Variants in SIRPA observed in about 807,000 individuals in gnomAD.
SIRPA encodes the protein tyrosine-protein phosphatase non-receptor type substrate 1.
Under a neutral mutation model 50.3 loss-of-function variants are expected in SIRPA, and 9 were observed. The observed-to-expected ratio is 0.18, with a 90% CI of 0.11 to 0.31. SIRPA has a LOEUF of 0.31. Ranked by LOEUF, SIRPA falls within the 10% of genes least tolerant of loss-of-function variation. The pLI, the probability that SIRPA is intolerant of heterozygous loss-of-function variation, is 1.00. For missense variants in SIRPA, 474 were observed against 661.6 expected, an observed-to-expected ratio of 0.72 and a Z score of 3.11; for synonymous variants, 265 against 284.1, an observed-to-expected ratio of 0.93 and a Z score of 0.68.
At chr20:1,895,000 G>T (rs1009598846), upstream of SIRPA, among the ~76,000 whole-genome samples, 77 of 147,698 alleles carry the variant, frequency 5.2e-4, no homozygotes, top group African/African-American at 1.8e-3. The surrounding 1 kb of genome is among the most constrained non-coding windows in gnomAD (Gnocchi z 4.0). Flanking sequence ...CGCGCGGCCG[G>T]GCTCGGCCGT....
Position 1,915,029 on chromosome 20 carries a change from G to A in SIRPA, c.80-70G>A. 4.1e-6 allele frequency: 5 copies of A among 1,229,422 alleles called. 1 individual carries two copies. The highest frequency in any genetic ancestry group is 5.8e-6 in the Non-Finnish European group (5 of 861,622). The allele number at this position is 1,229,422 out of a possible 1,614,324, so 76.2% of individuals were successfully genotyped here. On this transcript the variant is annotated intron_variant, in intron 1 of 7. Transcript: ENST00000358771. Reference sequence around the variant, plus strand: ...GTGCATCCAGTCAATGAACGTCATTGATAAACACTTGAGGAAACACAGAGG... The same window carrying A: ...GTGCATCCAGTCAATGAACGTCATTAATAAACACTTGAGGAAACACAGAGG...
At chr20:1,935,205 A>C (rs1055934998) in intron 7 of SIRPA, among the ~76,000 whole-genome samples, 1 of 152,228 alleles carries the variant, frequency 6.6e-6, no homozygotes, top group Non-Finnish European at 1.5e-5. Context: ...TTGCTGATGG[A>C]AAGACCCCAT....
chr20:1,914,233 CCT>C lies in SIRPA; in HGVS notation c.80-865_80-864del, dbSNP rs1271097701. ...GAGGCCTGGGGGCTGTTCTACCCAT[CCT>C]GTAGATAAGAAAACTGAGACTCAAA... On this transcript the variant is annotated intron_variant, in intron 1 of 7. Coordinates refer to ENST00000358771, the MANE Select transcript of SIRPA (RefSeq NM_001040023.2). Among the ~76,000 whole-genome samples the C allele has an allele frequency of 3.9e-5, 6 of 152,288 alleles. No homozygotes were observed. The East Asian group carries it at 9.6e-4, about 24-fold the overall frequency.
intron 1 of SIRPA, among the ~76,000 whole-genome samples, chr20:1,913,066 G>T (rs1984998683): frequency 6.6e-6 from 1 of 152,206 alleles, no homozygotes; most frequent in Non-Finnish European, 1.5e-5. Flanking sequence ...GTGCCATGAA[G>T]ATCTTGCCAT....
Position 1,898,851 on chromosome 20 carries a change from A to G in SIRPA, c.79+3325A>G. On this transcript the variant is annotated intron_variant, in intron 1 of 7. Coordinates refer to ENST00000358771, the MANE Select transcript of SIRPA (RefSeq NM_001040023.2). This position sits in a 1 kb window ranked among gnomAD's most constrained non-coding sequence, Gnocchi z 4.3. Reference sequence around the variant, plus strand: ...CCCCTTGGTCCTCACCAGTAACAACACATGAGAGGTGATGTGGCTCCTGTG... The same window carrying G: ...CCCCTTGGTCCTCACCAGTAACAACGCATGAGAGGTGATGTGGCTCCTGTG... 6.6e-6 allele frequency among the ~76,000 whole-genome samples: 1 copy of G among 152,060 alleles called. No homozygotes were observed. The highest frequency in any genetic ancestry group is 1.5e-5 in the Non-Finnish European group (1 of 68,024).
chr20:1,931,855 C>G (rs1986315610), intron 6 of SIRPA, among the ~76,000 whole-genome samples: 1 of 152,218 alleles, frequency 6.6e-6, no homozygotes, highest in Non-Finnish European at 1.5e-5. Context: ...TAATGGGGCA[C>G]TGATCATTCG....
At chr20:1,901,032 G>A (rs1488333778) in intron 1 of SIRPA, among the ~76,000 whole-genome samples, 1 of 152,140 alleles carries the variant, frequency 6.6e-6, no homozygotes, top group African/African-American at 2.4e-5. Context: ...GTGGTTAACT[G>A]TTGTGCCATT....
chr20:1,909,749 T>C (rs571787793), intron 1 of SIRPA, among the ~76,000 whole-genome samples: 12 of 152,308 alleles, frequency 7.9e-5, no homozygotes, highest in Admixed American at 7.2e-4. Flanking sequence ...GCCATTGCAC[T>C]CCAGCCTGGG....
intron 2 of SIRPA, among the ~76,000 whole-genome samples, chr20:1,920,332 G>T (rs1985573660): frequency 1.3e-5 from 2 of 152,252 alleles, no homozygotes; most frequent in African/African-American, 2.4e-5. Flanking sequence ...TTTGATGGGT[G>T]TGAGGGAGAA....
Position 1,898,156 on chromosome 20 carries a change from C to T in SIRPA, c.79+2630C>T, listed in dbSNP as rs550248029. 2.0e-5 allele frequency among the ~76,000 whole-genome samples: 3 copies of T among 152,328 alleles called. No individual in the cohort carries two copies. The highest frequency in any genetic ancestry group is 4.4e-5 in the Non-Finnish European group (3 of 68,034). On this transcript the variant is annotated intron_variant, in intron 1 of 7. Coordinates refer to ENST00000358771, the MANE Select transcript of SIRPA (RefSeq NM_001040023.2). The surrounding 1 kb of genome is among the most constrained non-coding windows in gnomAD (Gnocchi z 4.3). The stretch of plus-strand genomic sequence containing the variant: ...GTTCAGGCTCTGGGGAGCAGCGGGG[C>T]CCCCCAGTGAACCTCTCACCGTTTG...
In SIRPA at chr20:1,903,945, TACTC is replaced by T. The variant is rs200077418; in HGVS notation, c.79+8423_79+8426del. Among the ~76,000 whole-genome samples the T allele has an allele frequency of 1.9e-4, 29 of 152,308 alleles. No homozygotes were observed. The East Asian group carries it at 5.6e-3, about 29-fold the overall frequency. On this transcript the variant is annotated intron_variant, in intron 1 of 7. Transcript: ENST00000358771. ...TGCACGAGAGATGGGCTATGTCTCT[TACTC>T]ACTGTTGGGCCTCCCAGGACCTCAG...
At position 1,939,985 on chromosome 20, in the gene SIRPA, G is replaced by A. The variant is rs1986789570; in HGVS notation, c.*2417G>A. The stretch of plus-strand genomic sequence containing the variant: ...GCCCTCCTGCCAAAGCCTGGAAGAG[G>A]ATTGAATGGACCCCAGGGTTTGGAA... On this transcript the variant is annotated 3_prime_UTR_variant, in exon 8 of 8. Coordinates refer to ENST00000358771, the MANE Select transcript of SIRPA (RefSeq NM_001040023.2). This position sits in a 1 kb window ranked among gnomAD's most constrained non-coding sequence, Gnocchi z 4.7. 6.6e-6 allele frequency: 1 copy of A among 152,450 alleles called. No individual in the cohort carries two copies. The highest frequency in any genetic ancestry group is 2.4e-5 in the African/African-American group (1 of 41,468). 9.4% of individuals were successfully genotyped at this position (152,450 alleles called of 1,614,324 possible).
chr20:1,930,987 T>G (rs1986271221), intron 6 of SIRPA, among the ~76,000 whole-genome samples: 4 of 152,262 alleles, frequency 2.6e-5, no homozygotes, highest in Admixed American at 2.0e-4. Flanking sequence ...CAATAGCAGC[T>G]ACCATTTATT....
At chr20:1,923,429 C>G (rs919828205) in intron 4 of SIRPA, among the ~76,000 whole-genome samples, 4 of 152,272 alleles carry the variant, frequency 2.6e-5, no homozygotes, top group African/African-American at 9.6e-5. Flanking sequence ...TTCTGTCCTT[C>G]ATGCACCCTT....
intron 1 of SIRPA, among the ~76,000 whole-genome samples, chr20:1,906,682 C>T (rs372369446): frequency 6.6e-6 from 1 of 152,172 alleles, no homozygotes; most frequent in East Asian, 1.9e-4. Flanking sequence ...GAGGGTTTTG[C>T]ACAAAGGAGG....
chr20:1,920,403 T>C (rs1446404463), intron 2 of SIRPA, among the ~76,000 whole-genome samples: 1 of 152,156 alleles, frequency 6.6e-6, no homozygotes, highest in South Asian at 2.1e-4. Context: ...CGATAGGAGG[T>C]ATGGGGTAAT....
chr20:1,905,987 C>T (rs1040561406), intron 1 of SIRPA, among the ~76,000 whole-genome samples: 2 of 152,206 alleles, frequency 1.3e-5, no homozygotes, highest in Non-Finnish European at 2.9e-5. Flanking sequence ...CGGAGAGGAT[C>T]CCGAGCCTCT....
At chr20:1,921,934 C>T (rs1291769763) in intron 3 of SIRPA, among the ~76,000 whole-genome samples, 1 of 152,172 alleles carries the variant, frequency 6.6e-6, no homozygotes, top group Non-Finnish European at 1.5e-5. Flanking sequence ...AAGGACTGTG[C>T]TAGCCGTTTC....
intron 2 of SIRPA, among the ~76,000 whole-genome samples, chr20:1,919,016 A>C (rs1350695546): frequency 3.3e-5 from 5 of 152,210 alleles, no homozygotes; most frequent in Non-Finnish European, 5.9e-5. Flanking sequence ...TTGGGACCGA[A>C]TGAGTTAAAT....
Sources: allele counts gnomAD v4.1 joint callset (sites outside exome capture counted in the v4.1 genomes callset), GRCh38; gene constraint gnomAD v4.1.1; non-coding constraint Gnocchi (gnomAD v3.1); transcripts MANE v1.5; gene names NCBI Gene and HGNC (gene_info 2026-07-23, HGNC 2026-07-21).